Variants in WNT9A observed in about 807,000 individuals in gnomAD.
WNT9A encodes Wnt family member 9A.
A neutral mutation model predicts 31.4 loss-of-function variants in WNT9A; 8 were observed. The ratio of observed to expected loss-of-function variants is 0.26; its 90% CI spans 0.15 to 0.46. The LOEUF (loss-of-function observed/expected upper bound fraction) is 0.46. Among genes scored for constraint, WNT9A ranks in the 20% least tolerant of loss-of-function variants. WNT9A has a pLI of 0.99. For synonymous variants in WNT9A, 236 were observed against 220.1 expected, an observed-to-expected ratio of 1.07 and a Z score of -0.64; for missense variants, 457 against 522.9, an observed-to-expected ratio of 0.87 and a Z score of 1.23.
At chr1:227,933,078 T>C (rs774657961) in intron 1 of WNT9A, among the ~76,000 whole-genome samples, 6 of 152,252 alleles carry the variant, frequency 3.9e-5, no homozygotes, top group Non-Finnish European at 8.8e-5. Context: ...TCTCTAGCTA[T>C]GGAAGTCCCA....
intron 1 of WNT9A, among the ~76,000 whole-genome samples, chr1:227,930,275 GC>G (rs1367768830): frequency 2.9e-4 from 44 of 152,296 alleles, no homozygotes; most frequent in Middle Eastern, 3.4e-3. Flanking sequence ...GACAAGCAGA[GC>G]CCAGGAGTGG....
chr1:227,937,910 C>T (rs1378968850), intron 1 of WNT9A, among the ~76,000 whole-genome samples: 1 of 152,234 alleles, frequency 6.6e-6, no homozygotes, highest in African/African-American at 2.4e-5. Flanking sequence ...GGTCCCAGAG[C>T]CAGGCCACCC....
Position 227,942,632 on chromosome 1 carries a change from G to C in WNT9A, c.95+5161C>G, listed in dbSNP as rs866325238. Among the ~76,000 whole-genome samples the C allele has an allele frequency of 1.8e-4, 27 of 152,094 alleles. No homozygotes were observed. The highest frequency in any genetic ancestry group is 6.3e-4 in the African/African-American group (26 of 41,428). The stretch of plus-strand genomic sequence containing the variant: ...CACTGAGCCACTTCCACGATCTCTC[G>C]AAACAAGGCAGCTCCCTGGCCCCTT... On this transcript the variant is annotated intron_variant, in intron 1 of 3. Coordinates refer to ENST00000272164, the MANE Select transcript of WNT9A (RefSeq NM_003395.4). The surrounding 1 kb of genome is among the most constrained non-coding windows in gnomAD (Gnocchi z 5.7).
intron 2 of WNT9A, 78 bp from the exon 3 acceptor site, chr1:227,924,478 C>A: frequency 6.6e-7 from 1 of 1,521,640 alleles, no homozygotes. Flanking sequence ...CAAATCACCC[C>A]AAGAGTATGA....
At chr1:227,940,718 G>GCTTGC (rs1460775919) in intron 1 of WNT9A, among the ~76,000 whole-genome samples, 1 of 152,234 alleles carries the variant, frequency 6.6e-6, no homozygotes, top group Non-Finnish European at 1.5e-5. Context: ...GCAGCCTGCG[G>GCTTGC]CTTGCCTTTT....
Position 227,943,567 on chromosome 1 carries a change from G to A in WNT9A, c.95+4226C>T, listed in dbSNP as rs151259827. On this transcript the variant is annotated intron_variant, in intron 1 of 3. Transcript: ENST00000272164. ...ATTCCACACCCACTAGGATGGCTGC[G>A]GTAGAAAATAAAACAGAAAACCAGT... Among the ~76,000 whole-genome samples the A allele has an allele frequency of 8.5e-5, 13 of 152,288 alleles. No individual in the cohort carries two copies. The East Asian group carries it at 2.1e-3, about 25-fold the overall frequency.
chr1:227,945,003 C>G (rs910452198), intron 1 of WNT9A, among the ~76,000 whole-genome samples: 1 of 152,196 alleles, frequency 6.6e-6, no homozygotes, highest in Non-Finnish European at 1.5e-5. Flanking sequence ...GCAGGAACAG[C>G]CCCCAGACCC....
intron 1 of WNT9A, among the ~76,000 whole-genome samples, chr1:227,930,999 C>CA (rs34833730): frequency 0.52 from 73,870 of 142,340 alleles, 18,565 homozygotes; most frequent in African/African-American, 0.59. Context: ...GACTCCGTCT[C>CA]AAAAAAAAAA....
rs1318348171 is a variant in WNT9A at position 227,924,385 on chromosome 1, G to A, written c.368C>T (p.Ala123Val). 6.2e-7 allele frequency: 1 copy of A among 1,610,802 alleles called. No individual in the cohort carries two copies. The highest frequency in any genetic ancestry group is 8.5e-7 in the Non-Finnish European group (1 of 1,177,684). Residue 123 changes from alanine (A) to valine (V), a missense_variant, in exon 3 of 4, where the codon GCC (alanine) becomes GTC (valine). Coordinates refer to ENST00000272164, the MANE Select transcript of WNT9A (RefSeq NM_003395.4). ...AGCCGAGGAGATGGCATAGAGGAAG[G>A]CAGTCTCCTTGAAGCCTGGGGTTGG... ...SLLKRGFKET[A>V]FLYAISSAGL...
intron 1 of WNT9A, among the ~76,000 whole-genome samples, chr1:227,931,245 A>G (rs1666505908): frequency 6.6e-6 from 1 of 152,126 alleles, no homozygotes; most frequent in African/African-American, 2.4e-5. Context: ...CCTGGCCAGG[A>G]CGGGCTCCAT....
At position 227,925,193 on chromosome 1, in the gene WNT9A, T is replaced by G; in HGVS notation, c.352+70A>C. ...GGAGCGCAGCCTAAGAGGGGCCTCT[T>G]GGGATATGGACAAGGCCTGGGCTGC... On this transcript the variant is annotated intron_variant, in intron 2 of 3. Transcript: ENST00000272164. This position sits in a 1 kb window ranked among gnomAD's most constrained non-coding sequence, Gnocchi z 6.0. 2.1e-6 allele frequency: 3 copies of G among 1,439,850 alleles called. No homozygotes were observed. Among genetic ancestry groups the G allele is most frequent in the South Asian group, 1.4e-5 (1 of 69,158 alleles). The allele number at this position is 1,439,850 out of a possible 1,614,324, so 89.2% of individuals were successfully genotyped here.
At chr1:227,933,263 C>A (rs1336481989) in intron 1 of WNT9A, among the ~76,000 whole-genome samples, 1 of 152,214 alleles carries the variant, frequency 6.6e-6, no homozygotes, top group Non-Finnish European at 1.5e-5. Context: ...ACCTTGTGAA[C>A]CAACCTCTGT....
chr1:227,929,030 T>C (rs983972190), intron 1 of WNT9A, among the ~76,000 whole-genome samples: 1 of 152,112 alleles, frequency 6.6e-6, no homozygotes, highest in African/African-American at 2.4e-5. Flanking sequence ...TCTGGATGCA[T>C]ATCTCTTCCT....
In WNT9A at chr1:227,920,052, A is replaced by G. The variant is rs1182311324; in HGVS notation, c.*1466T>C. 1.3e-5 allele frequency: 2 copies of G among 152,282 alleles called. No individual in the cohort carries two copies. The highest frequency in any genetic ancestry group is 4.8e-5 in the African/African-American group (2 of 41,444). 9.4% of individuals were successfully genotyped at this position (152,282 alleles called of 1,614,324 possible). ...CTTCCTCATGACATGACATGAACCA[A>G]TCAAAGGGCTGCCCTGCCCCCTCAC... On this transcript the variant is annotated 3_prime_UTR_variant, in exon 4 of 4. Coordinates refer to ENST00000272164, the MANE Select transcript of WNT9A (RefSeq NM_003395.4).
At chr1:227,929,154 C>CTT (rs1385916825) in intron 1 of WNT9A, among the ~76,000 whole-genome samples, 5 of 152,210 alleles carry the variant, frequency 3.3e-5, no homozygotes, top group African/African-American at 1.2e-4. Context: ...CAGCCCCACT[C>CTT]TAAGACATTC....
rs1666724788 is a variant in WNT9A at position 227,942,558 on chromosome 1, C to T, written c.95+5235G>A. On this transcript the variant is annotated intron_variant, in intron 1 of 3. Transcript: ENST00000272164. This position sits in a 1 kb window ranked among gnomAD's most constrained non-coding sequence, Gnocchi z 5.7. ...CCATGCTAAGAAGTCCCCAGGGAGT[C>T]CCCTGGCCCCCAGGGCCCCTCCTCT... 6.6e-6 allele frequency among the ~76,000 whole-genome samples: 1 copy of T among 152,132 alleles called. No individual in the cohort carries two copies. The highest frequency in any genetic ancestry group is 1.5e-5 in the Non-Finnish European group (1 of 68,014).
rs574068400 is a variant in WNT9A, at chr1:227,919,311, G to A, written c.*2207C>T. The A allele has an allele frequency of 4.9e-4, 74 of 152,314 alleles. No individual in the cohort carries two copies. The highest frequency in any genetic ancestry group is 1.4e-3 in the African/African-American group (59 of 41,556). 9.4% of individuals were successfully genotyped at this position (152,314 alleles called of 1,614,324 possible). On this transcript the variant is annotated 3_prime_UTR_variant, in exon 4 of 4. Transcript: ENST00000272164. ...CACCCCTTCTAGCCAGGCTTCACCAGACAAAGGACAAACCCAGCGTCTTGC... is the reference window on the plus strand; with the variant it reads ...CACCCCTTCTAGCCAGGCTTCACCAAACAAAGGACAAACCCAGCGTCTTGC...
In WNT9A at chr1:227,930,139, C is replaced by A. The variant is rs140212606; in HGVS notation, c.96-4620G>T. 5.6e-3 allele frequency among the ~76,000 whole-genome samples: 849 copies of A among 152,310 alleles called. 4 individuals carry two copies. Among genetic ancestry groups the A allele is most frequent in the Non-Finnish European group, 8.0e-3 (541 of 68,026 alleles). ...AACACAGCCTTGTTATAGGAACGTGCTGGAGACAGCAGGAGAGCAGCTGGG... is the reference window on the plus strand; with the variant it reads ...AACACAGCCTTGTTATAGGAACGTGATGGAGACAGCAGGAGAGCAGCTGGG... On this transcript the variant is annotated intron_variant, in intron 1 of 3. Transcript: ENST00000272164.
intron 1 of WNT9A, among the ~76,000 whole-genome samples, chr1:227,945,069 C>T (rs1048987397): frequency 9.2e-5 from 14 of 152,200 alleles, no homozygotes; most frequent in African/African-American, 3.1e-4. Context: ...GAAGCAGCCC[C>T]GGCGTCTAAT....
Sources: gnomAD v4.1 joint callset for allele counts (sites outside exome capture counted in the v4.1 genomes callset) on GRCh38, gnomAD v4.1.1 for gene constraint, Gnocchi (gnomAD v3.1) non-coding constraint, MANE v1.5 for transcripts, NCBI Gene and HGNC (gene_info 2026-07-23, HGNC 2026-07-21) for gene names.